PTPRD: variants seen among roughly 807,000 people sequenced by gnomAD.
PTPRD encodes the protein receptor-type tyrosine-protein phosphatase delta.
Under a neutral mutation model 214.5 loss-of-function variants are expected in PTPRD, and 34 were observed. The ratio of observed to expected loss-of-function variants is 0.16; its 90% CI spans 0.12 to 0.21. The LOEUF is 0.21. PTPRD is among the 10% of genes least tolerant of loss of function. The pLI, the probability that PTPRD is intolerant of heterozygous loss-of-function variation, is 1.00. For synonymous variants in PTPRD, 1,128 were observed against 845.7 expected (o/e 1.33, Z -5.79); for missense variants, 2,545 against 2,398.7 (o/e 1.06, Z -1.27).
rs185148962 is a variant in PTPRD at position 9,042,518 on chromosome 9, G to T, written c.-142-23783C>A. Among the ~76,000 whole-genome samples, 18 of 152,142 alleles carry T rather than the reference G, an allele frequency of 1.2e-4. No individual in the cohort carries two copies. The East Asian group carries it at 3.3e-3, about 28-fold the overall frequency. ...AAAGGAGAAAAGATGTGCCAGGCAG[G>T]GAAAACAGCAGGTGCCAGATGAGAA... On this transcript the variant is annotated intron_variant, in intron 10 of 45. Transcript: ENST00000381196.
intron 5 of PTPRD, among the ~76,000 whole-genome samples, chr9:9,782,736 T>A (rs1287090375): frequency 6.6e-6 from 1 of 152,154 alleles, no homozygotes; most frequent in East Asian, 1.9e-4. Flanking sequence ...TTCTCTCAAG[T>A]CCTCACAGTT....
At chr9:8,940,280 CTTT>C (rs34342718) in intron 11 of PTPRD, among the ~76,000 whole-genome samples, 4,624 of 88,830 alleles carry the variant, frequency 0.052, 366 homozygotes, top group African/African-American at 0.19. Context: ...TCTCTCTCTC[CTTT>C]TTTTTTTTTT....
intron 3 of PTPRD, among the ~76,000 whole-genome samples, chr9:10,074,703 G>T (rs927102524): frequency 1.3e-5 from 2 of 151,756 alleles, no homozygotes; most frequent in African/African-American, 4.8e-5. Flanking sequence ...GGAAAGAGTG[G>T]GCTCCTGTGA....
At position 10,579,798 on chromosome 9, in the gene PTPRD, G is replaced by A. The variant is rs368004890; in HGVS notation, c.-600+32600C>T. 3.2e-3 allele frequency among the ~76,000 whole-genome samples: 494 copies of A among 152,062 alleles called. 2 individuals carry two copies. The highest frequency in any genetic ancestry group is 0.014 in the Middle Eastern group (4 of 292). On this transcript the variant is annotated intron_variant, in intron 2 of 45. Transcript: ENST00000381196. ...ATATTTTTTGATATTTTTAATAGCC[G>A]TTCTAACTGGTGTGAGATAATTCTC...
At chr9:10,570,822 T>C (rs545542210) in intron 2 of PTPRD, among the ~76,000 whole-genome samples, 3 of 152,076 alleles carry the variant, frequency 2.0e-5, no homozygotes, top group Non-Finnish European at 2.9e-5. Context: ...ATTGGCTTAC[T>C]ATCTCCTATG....
chr9:9,034,307 G>A (rs1488792713), intron 10 of PTPRD, among the ~76,000 whole-genome samples: 1 of 152,068 alleles, frequency 6.6e-6, no homozygotes, highest in Non-Finnish European at 1.5e-5. Flanking sequence ...CATGCCACAA[G>A]TAACCACTTG....
intron 2 of PTPRD, among the ~76,000 whole-genome samples, chr9:10,488,934 G>A (rs557362081): frequency 3.9e-5 from 6 of 152,082 alleles, no homozygotes; most frequent in African/African-American, 1.2e-4. Flanking sequence ...CCAAGTGTCC[G>A]CTTGGTGCTC....
chr9:10,551,719 C>A (rs566726721), intron 2 of PTPRD, among the ~76,000 whole-genome samples: 28 of 152,278 alleles, frequency 1.8e-4, no homozygotes, highest in African/African-American at 6.5e-4. Context: ...CATTTTGCTA[C>A]AGTACCTTGA....
chr9:9,610,196 G>C (rs2094444008), intron 7 of PTPRD, among the ~76,000 whole-genome samples: 1 of 152,126 alleles, frequency 6.6e-6, no homozygotes, highest in Non-Finnish European at 1.5e-5. Context: ...AACGTAATAA[G>C]AGCCACGATG....
At chr9:9,560,037 G>A (rs1387031546) in intron 8 of PTPRD, among the ~76,000 whole-genome samples, 1 of 152,188 alleles carries the variant, frequency 6.6e-6, no homozygotes, top group Admixed American at 6.5e-5. Flanking sequence ...GGGCTTCTCG[G>A]CCAGTTCTCT....
intron 8 of PTPRD, among the ~76,000 whole-genome samples, chr9:9,436,431 T>C (rs1283279490): frequency 1.3e-5 from 2 of 152,180 alleles, no homozygotes; most frequent in South Asian, 2.1e-4. Context: ...TAAGGATTTA[T>C]AGTTAACACT....
chr9:10,229,596 A>C (rs1594821623), intron 3 of PTPRD, among the ~76,000 whole-genome samples: 1 of 151,754 alleles, frequency 6.6e-6, no homozygotes, highest in Non-Finnish European at 1.5e-5. Flanking sequence ...GCACACTATC[A>C]CAAGGACAAA....
At chr9:9,820,231 T>C (rs1156584379) in intron 5 of PTPRD, among the ~76,000 whole-genome samples, 2 of 152,180 alleles carry the variant, frequency 1.3e-5, no homozygotes, top group African/African-American at 2.4e-5. Flanking sequence ...AGTTCTCTGA[T>C]GATCAGTAAG....
intron 3 of PTPRD, among the ~76,000 whole-genome samples, chr9:10,270,027 T>A (rs1391170027): frequency 6.6e-6 from 1 of 152,100 alleles, no homozygotes; most frequent in Non-Finnish European, 1.5e-5. Flanking sequence ...ACAATGGCGC[T>A]ACATAATTAG....
At chr9:9,882,635 G>A (rs1014077865) in intron 5 of PTPRD, among the ~76,000 whole-genome samples, 8 of 152,144 alleles carry the variant, frequency 5.3e-5, no homozygotes, top group African/African-American at 1.9e-4. Flanking sequence ...CTGTAAGGTG[G>A]ATAGCAACTG....
chr9:8,969,366 C>T (rs961755635), intron 11 of PTPRD, among the ~76,000 whole-genome samples: 7 of 152,022 alleles, frequency 4.6e-5, no homozygotes, highest in Admixed American at 4.6e-4. Context: ...AAAGCCACTC[C>T]TGAGCATATA....
intron 2 of PTPRD, among the ~76,000 whole-genome samples, chr9:10,609,658 C>A (rs921560413): frequency 6.6e-6 from 1 of 152,070 alleles, no homozygotes; most frequent in African/African-American, 2.4e-5. Context: ...ACTAGTAATA[C>A]ACAGGAAAGA....
intron 10 of PTPRD, among the ~76,000 whole-genome samples, chr9:9,110,664 A>G (rs2099804776): frequency 6.6e-6 from 1 of 152,044 alleles, no homozygotes. Context: ...AAATCACCAA[A>G]TAGCTCTCAA....
intron 39 of PTPRD, among the ~76,000 whole-genome samples, chr9:8,366,795 G>A (rs1300340376): frequency 1.3e-5 from 2 of 152,220 alleles, no homozygotes; most frequent in East Asian, 3.9e-4. Context: ...CATACCAAGT[G>A]TGAATACGAA....
Sources: gnomAD v4.1 joint callset for allele counts (sites outside exome capture counted in the v4.1 genomes callset) on GRCh38, gnomAD v4.1.1 for gene constraint, MANE v1.5 for transcripts, NCBI Gene and HGNC (gene_info 2026-07-23, HGNC 2026-07-21) for gene names.